PSD3: variants seen among roughly 807,000 people sequenced by gnomAD.
The protein encoded by PSD3 is PH and SEC7 domain-containing protein 3.
Under a neutral mutation model 105.5 loss-of-function variants are expected in PSD3, and 49 were observed. That is an observed-to-expected ratio of 0.46 (90% CI 0.37 to 0.59). The LOEUF (loss-of-function observed/expected upper bound fraction) is 0.59. PSD3 is among the 20% of genes least tolerant of loss of function. The probability of loss-of-function intolerance (pLI) is 0.00; values close to 1 mark genes in which losing one functional copy is unlikely to be tolerated. For synonymous variants in PSD3, 557 were observed against 457.8 expected (o/e 1.22, Z -2.77); for missense variants, 1,561 against 1,263.8 (o/e 1.24, Z -3.57).
intron 11 of PSD3, among the ~76,000 whole-genome samples, chr8:18,619,315 G>T (rs115751413): frequency 2.0e-5 from 3 of 152,132 alleles, no homozygotes; most frequent in African/African-American, 7.2e-5. Flanking sequence ...GATCAAAACA[G>T]ACTCTGTGTG....
intron 4 of PSD3, among the ~76,000 whole-genome samples, chr8:18,836,103 C>T (rs1814086412): frequency 6.6e-6 from 1 of 152,182 alleles, no homozygotes; most frequent in Non-Finnish European, 1.5e-5. Flanking sequence ...AAATTGCTGA[C>T]ATGCTGAATA....
Position 18,572,675 on chromosome 8 carries a change from A to T in PSD3, c.2640-3T>A. On this transcript the variant is annotated splice_polypyrimidine_tract_variant and splice_region_variant and intron_variant, in intron 13 of 15. Coordinates refer to ENST00000327040, the MANE Select transcript of PSD3 (RefSeq NM_015310.4). ...ACCCTTGCATTTCCTCTGGGCTCCTATGAGAAATAGATATGTTTATATCAG... is the reference window on the plus strand; with the variant it reads ...ACCCTTGCATTTCCTCTGGGCTCCTTTGAGAAATAGATATGTTTATATCAG... 2.5e-6 allele frequency: 4 copies of T among 1,613,698 alleles called. No individual in the cohort carries two copies. The highest frequency in any genetic ancestry group is 3.4e-6 in the Non-Finnish European group (4 of 1,179,692).
intron 12 of PSD3, among the ~76,000 whole-genome samples, chr8:18,592,456 C>G (rs1448712087): frequency 6.6e-6 from 1 of 152,064 alleles, no homozygotes; most frequent in Admixed American, 6.6e-5. Flanking sequence ...AGCTTATTTA[C>G]CGAACACTTC....
chr8:19,010,017 G>C (rs1416007274), intron 1 of PSD3, among the ~76,000 whole-genome samples: 2 of 152,180 alleles, frequency 1.3e-5, no homozygotes, highest in African/African-American at 4.8e-5. Flanking sequence ...AATTTTCCCA[G>C]TTATCCTAAA....
intron 1 of PSD3, among the ~76,000 whole-genome samples, chr8:19,024,966 A>C (rs1827491766): frequency 6.6e-6 from 1 of 152,166 alleles, no homozygotes; most frequent in Admixed American, 6.5e-5. Context: ...GTAAATTATC[A>C]ATCCTGAGAA....
intron 4 of PSD3, among the ~76,000 whole-genome samples, chr8:18,847,974 A>G (rs1031453917): frequency 7.2e-5 from 11 of 152,200 alleles, no homozygotes; most frequent in African/African-American, 2.4e-4. Context: ...ACCCATGACA[A>G]CTCAAAGAAT....
At chr8:18,556,997 G>C (rs746126143) in intron 14 of PSD3, among the ~76,000 whole-genome samples, 1 of 152,156 alleles carries the variant, frequency 6.6e-6, no homozygotes, top group Admixed American at 6.5e-5. Context: ...TATTGCCTTA[G>C]TAGCATTATT....
At chr8:18,926,066 A>C (rs1391576605) in intron 2 of PSD3, among the ~76,000 whole-genome samples, 1 of 151,540 alleles carries the variant, frequency 6.6e-6, no homozygotes, top group East Asian at 1.9e-4. Context: ...TGTACTGCTT[A>C]GCTATCCTGA....
intron 1 of PSD3, among the ~76,000 whole-genome samples, chr8:19,027,774 T>G (rs1022729504): frequency 6.6e-6 from 1 of 152,240 alleles, no homozygotes; most frequent in Admixed American, 6.5e-5. Context: ...ACATGGATCT[T>G]TAGTCATTCC....
At chr8:18,590,297 G>A (rs1324952250) in intron 12 of PSD3, among the ~76,000 whole-genome samples, 4 of 152,050 alleles carry the variant, frequency 2.6e-5, no homozygotes, top group Non-Finnish European at 5.9e-5. Flanking sequence ...ATGAGGGGTC[G>A]CCATCTGATT....
At chr8:18,840,858 C>T (rs1454072116) in intron 4 of PSD3, among the ~76,000 whole-genome samples, 1 of 152,114 alleles carries the variant, frequency 6.6e-6, no homozygotes, top group Admixed American at 6.5e-5. Context: ...AATTCTAGTT[C>T]CAATTTCACT....
chr8:18,607,681 TACAAAAAAAAAAAACAAA>T (rs1162383945), intron 11 of PSD3, among the ~76,000 whole-genome samples: 1 of 32,082 alleles, frequency 3.1e-5, no homozygotes, highest in Non-Finnish European at 7.0e-5. Flanking sequence ...ACTCCACTGC[TACAAAAAAAAAAAACAAA>T]ACAAAAAAAA....
At chr8:19,057,357 G>A (rs1239992812) in intron 1 of PSD3, among the ~76,000 whole-genome samples, 1 of 152,070 alleles carries the variant, frequency 6.6e-6, no homozygotes, top group African/African-American at 2.4e-5. Flanking sequence ...TTGACCTCTT[G>A]TCAAGGTCTC....
chr8:18,945,375 A>G (rs1289721153), intron 1 of PSD3, among the ~76,000 whole-genome samples: 1 of 152,216 alleles, frequency 6.6e-6, no homozygotes, highest in Non-Finnish European at 1.5e-5. Context: ...CAGAGATAAG[A>G]TACTACAACA....
chr8:18,678,339 A>G (rs1291488425), intron 9 of PSD3, among the ~76,000 whole-genome samples: 1 of 152,236 alleles, frequency 6.6e-6, no homozygotes, highest in African/African-American at 2.4e-5. Flanking sequence ...AAATTTTTAC[A>G]TGAACAAACC....
At chr8:18,725,667 C>T (rs183821851) in intron 9 of PSD3, among the ~76,000 whole-genome samples, 1 of 152,238 alleles carries the variant, frequency 6.6e-6, no homozygotes, top group East Asian at 1.9e-4. Flanking sequence ...TTTTATTTTT[C>T]CTTTTTGTTT....
chr8:18,549,973 G>C (rs927481109), intron 15 of PSD3, among the ~76,000 whole-genome samples: 4 of 152,162 alleles, frequency 2.6e-5, no homozygotes, highest in Admixed American at 1.3e-4. Flanking sequence ...GAAAGGATAA[G>C]GTCATGCCAA....
intron 12 of PSD3, among the ~76,000 whole-genome samples, chr8:18,588,973 A>T (rs1803399154): frequency 6.6e-6 from 1 of 152,202 alleles, no homozygotes; most frequent in African/African-American, 2.4e-5. Flanking sequence ...CGGTTTTGCC[A>T]AAGGCAGCTA....
intron 1 of PSD3, among the ~76,000 whole-genome samples, chr8:19,022,996 C>G (rs565859539): frequency 1.1e-4 from 16 of 152,096 alleles, no homozygotes; most frequent in Admixed American, 3.3e-4. Context: ...TCTTCTCATA[C>G]TTCTTAGCTT....
Sources: allele counts gnomAD v4.1 joint callset (sites outside exome capture counted in the v4.1 genomes callset), GRCh38; gene constraint gnomAD v4.1.1; transcripts MANE v1.5; gene names NCBI Gene and HGNC (gene_info 2026-07-23, HGNC 2026-07-21).